Variants in FBXO30 observed in about 807,000 individuals in gnomAD.
FBXO30 encodes F-box protein 30, also known as F-box only protein 30.
In FBXO30, 21 loss-of-function variants were observed where a neutral mutation model predicts 58.1. The ratio of observed to expected loss-of-function variants is 0.36; its 90% CI spans 0.26 to 0.52. The LOEUF is 0.52. Ranked by LOEUF, FBXO30 falls within the 20% of genes least tolerant of loss-of-function variation. FBXO30 has a pLI of 0.93. For missense variants in FBXO30, 744 were observed against 897.3 expected, an observed-to-expected ratio of 0.83 and a Z score of 2.18; for synonymous variants, 309 against 312.4, an observed-to-expected ratio of 0.99 and a Z score of 0.11.
rs778647618 is a variant in FBXO30, at chr6:145,804,661, C to T, written c.1745G>A (p.Arg582His). 4.3e-5 allele frequency: 70 copies of T among 1,613,744 alleles called. No homozygotes were observed. The highest frequency in any genetic ancestry group is 9.9e-5 in the South Asian group (9 of 91,080). The change falls in exon 2 of 3, where the codon CGC becomes CAC. Residue 582 changes from arginine (R) to histidine (H), a missense_variant. Arg to His is a conservative substitution (Grantham distance 29). This residue lies in a region of FBXO30 where 334 missense variants were observed against 433.7 expected (regional missense o/e 0.77). Coordinates refer to ENST00000237281, the MANE Select transcript of FBXO30 (RefSeq NM_032145.5). ...CTGAACTCCAAATGACCTCAAATGG[C>T]GGTCATGTATAATCTTTGCTCCTTG... ...SIQGAKIIHDRHLRSFGVQPC... is the reference protein window; with the variant it reads ...SIQGAKIIHDHHLRSFGVQPC...
chr6:145,814,489 C>T (rs1219638235), intron 1 of FBXO30, 114 bp downstream of exon 1: 1 of 151,880 alleles, frequency 6.6e-6, no homozygotes, highest in Admixed American at 6.6e-5. Flanking sequence ...ACCCCACGGC[C>T]GCCAGCGCCA....
intron 1 of FBXO30, among the ~76,000 whole-genome samples, chr6:145,812,634 A>G (rs927454133): frequency 6.6e-6 from 1 of 152,192 alleles, no homozygotes; most frequent in Non-Finnish European, 1.5e-5. Context: ...TTTGCACAAC[A>G]GCCACACTTA....
rs1232260596 is a variant in FBXO30 at position 145,805,381 on chromosome 6, G to A, written c.1025C>T (p.Pro342Leu). ...AVAAQLREII[P>L]SSALPNGTVQ... ...TGTGCCATTAGGCAAAGCACTGGAT[G>A]GTATTATTTCCCTAAGTTGTGCTGC... The change falls in exon 2 of 3, where the codon CCA becomes CTA. Residue 342 changes from proline (P) to leucine (L), a missense_variant. Physicochemically the swap from Pro to Leu is moderately conservative, Grantham distance 98. Coordinates refer to ENST00000237281, the MANE Select transcript of FBXO30 (RefSeq NM_032145.5). 6.2e-7 allele frequency: 1 copy of A among 1,613,892 alleles called. No individual in the cohort carries two copies. The highest frequency in any genetic ancestry group is 8.5e-7 in the Non-Finnish European group (1 of 1,179,982).
At position 145,804,945 on chromosome 6, in the gene FBXO30, A is replaced by G. The variant is rs549794776; in HGVS notation, c.1461T>C (p.Asn487=). 4 of 1,613,912 alleles carry G rather than the reference A, an allele frequency of 2.5e-6. No individual in the cohort carries two copies. In the East Asian group the frequency reaches 6.7e-5, roughly 27 times the overall value. The change falls in exon 2 of 3, where the codon AAT becomes AAC. Residue 487 remains asparagine, a synonymous_variant. Coordinates refer to ENST00000237281, the MANE Select transcript of FBXO30 (RefSeq NM_032145.5). Reference sequence around the variant, plus strand: ...ACGGACTTGGATTTGAAAGCTGTGGATTGGCATGATCACAAGCTGAAGCTG... The same window carrying G: ...ACGGACTTGGATTTGAAAGCTGTGGGTTGGCATGATCACAAGCTGAAGCTG... ...IASASACDHA[N]PQLSNPSPFQ...
intron 1 of FBXO30, among the ~76,000 whole-genome samples, chr6:145,813,911 A>G: frequency 6.6e-6 from 1 of 152,152 alleles, no homozygotes; most frequent in East Asian, 1.9e-4. Context: ...CTTTGCCTCT[A>G]TACTCCCAAA....
At chr6:145,810,349 C>T (rs1410302868) in intron 1 of FBXO30, among the ~76,000 whole-genome samples, 1 of 152,032 alleles carries the variant, frequency 6.6e-6, no homozygotes, top group Non-Finnish European at 1.5e-5. Context: ...TAATCAAGAC[C>T]ACTACTATCA....
rs1401341215 is a variant in FBXO30, at chr6:145,806,261, GCTCAT to G, written c.140_144del (p.Asp47AlafsTer8). 1 of 1,613,904 alleles carries G rather than the reference GCTCAT, an allele frequency of 6.2e-7. No individual in the cohort carries two copies. Among genetic ancestry groups the G allele is most frequent in the African/African-American group, 1.3e-5 (1 of 74,884 alleles). ...CGTTCAAATGGACATAAAAGTCGAT[GCTCAT>G]CAGCTTTACAAGAATGGAAAACTGC... is the stretch of plus-strand genomic sequence containing the variant. On this transcript the variant is annotated frameshift_variant, in exon 2 of 3. Transcript: ENST00000237281. LOFTEE classifies it high-confidence loss of function.
In FBXO30 at chr6:145,795,596, TTTA is replaced by T. The variant is rs1036923223; in HGVS notation, c.*4507_*4509del. The T allele has an allele frequency of 3.3e-5, 5 of 151,970 alleles. No individual in the cohort carries two copies. Among genetic ancestry groups the T allele is most frequent in the Non-Finnish European group, 5.9e-5 (4 of 67,874 alleles). 9.4% of individuals were successfully genotyped at this position (151,970 alleles called of 1,614,324 possible). On this transcript the variant is annotated 3_prime_UTR_variant, in exon 3 of 3. Transcript: ENST00000237281. ...AAAAAGGACTTTGCATCAATGAATTTTTATTATATTTCTATAGAGCATGTTCAT... is the reference window on the plus strand; with the variant it reads ...AAAAAGGACTTTGCATCAATGAATTTTTATATTTCTATAGAGCATGTTCAT...
chr6:145,803,019 G>C (rs1235089149), intron 2 of FBXO30, among the ~76,000 whole-genome samples: 1 of 152,104 alleles, frequency 6.6e-6, no homozygotes, highest in African/African-American at 2.4e-5. Context: ...GGATAATCAA[G>C]TGGAAATGTC....
chr6:145,808,585 G>A (rs73572161), intron 1 of FBXO30, among the ~76,000 whole-genome samples: 11,616 of 152,040 alleles, frequency 0.076, 1,514 homozygotes, highest in African/African-American at 0.26. Context: ...TTCTCCAAAA[G>A]TTTCAATTAC....
Position 145,804,828 on chromosome 6 carries a change from T to A in FBXO30, c.1578A>T (p.Leu526Phe). ...GGGAAGAAAATTCTTTCCTTCTAAA[T>A]AACTGTCCACACACAAAGGTAAACA... ...RSMFTFVCGQ[L>F]FRRKEFSSHF... Residue 526 changes from leucine (L) to phenylalanine (F), a missense_variant, in exon 2 of 3, where the codon TTA becomes TTT. Leu to Phe is a conservative substitution (Grantham distance 22). Coordinates refer to ENST00000237281, the MANE Select transcript of FBXO30 (RefSeq NM_032145.5). The A allele has an allele frequency of 6.2e-7, 1 of 1,613,950 alleles. No individual in the cohort carries two copies. Among genetic ancestry groups the A allele is most frequent in the Non-Finnish European group, 8.5e-7 (1 of 1,179,904 alleles).
chr6:145,803,039 C>T (rs1338987945), intron 2 of FBXO30, among the ~76,000 whole-genome samples: 1 of 151,912 alleles, frequency 6.6e-6, no homozygotes, highest in Non-Finnish European at 1.5e-5. Flanking sequence ...CCAGTAGATG[C>T]TTGTATATAG....
In FBXO30 at chr6:145,806,123, T is replaced by G; in HGVS notation, c.283A>C (p.Asn95His). ...ASVVCCTMEW[N>H]RWPVSYADRK... ...TCTGCATAACTAACTGGCCATCGAT[T>G]CCATTCCATAGTACAGCACACCACA... Residue 95 changes from asparagine to histidine, a missense_variant, in exon 2 of 3, where the codon AAT becomes CAT. Physicochemically the swap from Asn to His is moderately conservative, Grantham distance 68 (BLOSUM62 1). Around this residue, in one of 3 missense-constraint regions of FBXO30, gnomAD observed 135 missense variants for 201.6 expected, o/e 0.67. Coordinates refer to ENST00000237281, the MANE Select transcript of FBXO30 (RefSeq NM_032145.5). The G allele has an allele frequency of 6.2e-7, 1 of 1,614,152 alleles. No individual in the cohort carries two copies. The highest frequency in any genetic ancestry group is 8.5e-7 in the Non-Finnish European group (1 of 1,180,010).
chr6:145,813,320 TAAAAAAA>T (rs986728233), intron 1 of FBXO30, among the ~76,000 whole-genome samples: 1 of 132,612 alleles, frequency 7.5e-6, no homozygotes, highest in African/African-American at 2.8e-5. Flanking sequence ...TTTCCAGAAT[TAAAAAAA>T]AAAAAAAAAG....
chr6:145,797,640 A>C lies in FBXO30; in HGVS notation c.*2466T>G, dbSNP rs1314755658. 1 of 152,044 alleles carries C rather than the reference A, an allele frequency of 6.6e-6. No individual in the cohort carries two copies. Among genetic ancestry groups the C allele is most frequent in the Non-Finnish European group, 1.5e-5 (1 of 67,952 alleles). The allele number at this position is 152,044 out of a possible 1,614,324, so 9.4% of individuals were successfully genotyped here. Reference sequence around the variant, plus strand: ...ACCACACTTTAGGAACCACTGCTGTAAGATCTGTGAGTCTCAAAATCTAGA... The same window carrying C: ...ACCACACTTTAGGAACCACTGCTGTCAGATCTGTGAGTCTCAAAATCTAGA... On this transcript the variant is annotated 3_prime_UTR_variant, in exon 3 of 3. Coordinates refer to ENST00000237281, the MANE Select transcript of FBXO30 (RefSeq NM_032145.5).
At chr6:145,809,377 C>A (rs530516083) in intron 1 of FBXO30, among the ~76,000 whole-genome samples, 40 of 152,074 alleles carry the variant, frequency 2.6e-4, no homozygotes, top group Admixed American at 7.2e-4. Flanking sequence ...AAGGGAGAAA[C>A]CTAAAAATAC....
At position 145,804,865 on chromosome 6, in the gene FBXO30, T is replaced by C. The variant is rs1778114498; in HGVS notation, c.1541A>G (p.Lys514Arg). 5.6e-6 allele frequency: 9 copies of C among 1,613,822 alleles called. No homozygotes were observed. In the South Asian group the frequency reaches 8.8e-5, roughly 16 times the overall value. The change falls in exon 2 of 3, where the codon AAG becomes AGG. Residue 514 changes from lysine to arginine, a missense_variant. Around this residue, in one of 3 missense-constraint regions of FBXO30, gnomAD observed 334 missense variants for 433.7 expected, o/e 0.77. Transcript: ENST00000237281. ...CACAAAGGTAAACATTGAACGCTGC[T>C]TGGGTTGGTACCTAGCGACACATTC... ...VLECVARYQPKQRSMFTFVCG... is the reference protein window; with the variant it reads ...VLECVARYQPRQRSMFTFVCG...
At chr6:145,809,823 A>G (rs943951811) in intron 1 of FBXO30, 2 of 152,226 alleles carry the variant, frequency 1.3e-5, no homozygotes, top group Non-Finnish European at 2.9e-5. Flanking sequence ...AAGGTCATCT[A>G]CCTAGTAAGT....
rs541372848 is a variant in FBXO30 at position 145,804,339 on chromosome 6, T to C, written c.2034+33A>G. 1.2e-5 allele frequency: 19 copies of C among 1,549,066 alleles called. No homozygotes were observed. The Middle Eastern group carries it at 1.0e-3, about 85-fold the overall frequency. ...AGCAGTATTATTAAAGTCCTCTTTA[T>C]GTCAAATAAGAGGTTGTAAAGATTA... On this transcript the variant is annotated intron_variant, in intron 2 of 2. Transcript: ENST00000237281.
Sources: allele counts gnomAD v4.1 joint callset (sites outside exome capture counted in the v4.1 genomes callset), GRCh38; gene constraint gnomAD v4.1.1; regional missense constraint gnomAD v4.1.1; transcripts MANE v1.5; gene names NCBI Gene and HGNC (gene_info 2026-07-23, HGNC 2026-07-21).